EPHB2: variants seen among roughly 807,000 people sequenced by gnomAD.
EPHB2 encodes ephrin type-B receptor 2.
In EPHB2, 18 loss-of-function variants were observed where a neutral mutation model predicts 96.4. The observed-to-expected ratio is 0.19, with a 90% CI of 0.13 to 0.28. The LOEUF is 0.28. EPHB2 is among the 10% of genes least tolerant of loss of function. The pLI is 1.00. For synonymous variants in EPHB2, 506 were observed against 534.1 expected (o/e 0.95, Z 0.72); for missense variants, 989 against 1,355.4 (o/e 0.73, Z 4.25).
intron 3 of EPHB2, among the ~76,000 whole-genome samples, chr1:22,821,161 A>C (rs1570339198): frequency 6.6e-6 from 1 of 152,186 alleles, no homozygotes; most frequent in South Asian, 2.1e-4. Flanking sequence ...GGAAGCGGTA[A>C]AGATAGACAC....
intron 1 of EPHB2, among the ~76,000 whole-genome samples, chr1:22,728,712 C>T (rs553914773): frequency 1.3e-5 from 2 of 152,300 alleles, no homozygotes; most frequent in East Asian, 1.9e-4. Flanking sequence ...TTCCCATGGC[C>T]GACAACTCTA....
intron 1 of EPHB2, among the ~76,000 whole-genome samples, chr1:22,777,447 A>G (rs1416925429): frequency 6.6e-6 from 1 of 152,116 alleles, no homozygotes; most frequent in Non-Finnish European, 1.5e-5. Context: ...GATTTTTGGG[A>G]TTGGACGGGA....
rs1344546517 is a variant in EPHB2 at position 22,920,267 on chromosome 1, G to C, written c.*6697G>C. 1 of 152,274 alleles carries C rather than the reference G, an allele frequency of 6.6e-6. No homozygotes were observed. The highest frequency in any genetic ancestry group is 1.5e-5 in the Non-Finnish European group (1 of 68,096). 9.4% of individuals were successfully genotyped at this position (152,274 alleles called of 1,614,324 possible). ...GCTGGTGGACCTAGGAACCAAGCAG[G>C]GCCCCACTGGCTCAGTCTGGGGAGG... On this transcript the variant is annotated 3_prime_UTR_variant, in exon 16 of 16. Transcript: ENST00000374630.
rs543982427 is a variant in EPHB2, at chr1:22,915,003, A to C, written c.*1433A>C. The C allele has an allele frequency of 6.5e-6, 1 of 152,738 alleles. No homozygotes were observed. 9.5% of individuals were successfully genotyped at this position (152,738 alleles called of 1,614,324 possible). On this transcript the variant is annotated 3_prime_UTR_variant, in exon 16 of 16. Transcript: ENST00000374630. The stretch of plus-strand genomic sequence containing the variant: ...GGCTCCTGAGTGCCCTCAGATGGTC[A>C]AAACCCAGTTTTCCCTCTGGGAGCC...
intron 3 of EPHB2, among the ~76,000 whole-genome samples, chr1:22,853,422 CTG>C (rs1205382688): frequency 6.6e-6 from 1 of 152,258 alleles, no homozygotes; most frequent in East Asian, 1.9e-4. Context: ...ATCACTGTCA[CTG>C]TGCTCACAGC....
chr1:22,756,499 G>C (rs1200628035), intron 1 of EPHB2, among the ~76,000 whole-genome samples: 1 of 152,174 alleles, frequency 6.6e-6, no homozygotes, highest in Non-Finnish European at 1.5e-5. Context: ...CCCGTGGGCG[G>C]CTTTATCTGG....
intron 3 of EPHB2, among the ~76,000 whole-genome samples, chr1:22,792,007 T>C (rs1013217400): frequency 6.6e-6 from 1 of 152,120 alleles, no homozygotes; most frequent in Non-Finnish European, 1.5e-5. Flanking sequence ...CTCTCCAGCA[T>C]GGGATGTTAT....
chr1:22,823,225 G>A (rs1387650694), intron 3 of EPHB2, among the ~76,000 whole-genome samples: 1 of 152,206 alleles, frequency 6.6e-6, no homozygotes, highest in Admixed American at 6.5e-5. Flanking sequence ...GAAACACAAC[G>A]TGCAAATGGC....
intron 1 of EPHB2, among the ~76,000 whole-genome samples, chr1:22,749,770 T>C (rs932954416): frequency 3.3e-5 from 5 of 152,104 alleles, no homozygotes; most frequent in African/African-American, 7.2e-5. Flanking sequence ...TGGACCTCCA[T>C]TGGGTTCCAG....
At chr1:22,823,015 T>C (rs1046776893) in intron 3 of EPHB2, among the ~76,000 whole-genome samples, 1 of 152,138 alleles carries the variant, frequency 6.6e-6, no homozygotes, top group Non-Finnish European at 1.5e-5. Flanking sequence ...ACATATACCC[T>C]ATCCATTCCC....
At chr1:22,841,408 C>T (rs185029026) in intron 3 of EPHB2, among the ~76,000 whole-genome samples, 129 of 152,198 alleles carry the variant, frequency 8.5e-4, no homozygotes, top group Non-Finnish European at 1.0e-3. Context: ...GTCTGGACTG[C>T]AGGGAGGGCT....
chr1:22,807,800 G>A (rs1430879333), intron 3 of EPHB2, among the ~76,000 whole-genome samples: 2 of 152,196 alleles, frequency 1.3e-5, no homozygotes, highest in East Asian at 1.9e-4. Context: ...GAGGACAGTG[G>A]GGCAAAAGTA....
intron 3 of EPHB2, among the ~76,000 whole-genome samples, chr1:22,822,057 G>A (rs1000923419): frequency 6.6e-6 from 1 of 152,222 alleles, no homozygotes; most frequent in Non-Finnish European, 1.5e-5. Flanking sequence ...CAATTACAGT[G>A]CTACAATAAA....
chr1:22,775,356 T>C, intron 1 of EPHB2: 2 of 730,220 alleles, frequency 2.7e-6, no homozygotes, highest in East Asian at 2.6e-5. Flanking sequence ...TGGCCAGCGC[T>C]TGGCATGTAT....
intron 3 of EPHB2, among the ~76,000 whole-genome samples, chr1:22,836,314 C>T (rs977459935): frequency 6.6e-6 from 1 of 152,216 alleles, no homozygotes; most frequent in South Asian, 2.1e-4. Flanking sequence ...CTCGGAGGCA[C>T]AAAGATGAAC....
intron 1 of EPHB2, among the ~76,000 whole-genome samples, chr1:22,777,832 C>T (rs1365330479): frequency 6.6e-6 from 1 of 152,184 alleles, no homozygotes; most frequent in Non-Finnish European, 1.5e-5. Flanking sequence ...TATGTGCAGG[C>T]ACTGGGTGGG....
intron 3 of EPHB2, 48 bp from the exon 4 acceptor site, chr1:22,862,989 T>C (rs1638320779): frequency 6.2e-7 from 1 of 1,612,086 alleles, no homozygotes. Context: ...GTGACCTCTC[T>C]GAGTCTTCAT....
chr1:22,710,856 G>C lies in EPHB2; in HGVS notation c.-127G>C, dbSNP rs1420923241. The C allele has an allele frequency of 6.8e-6, 1 of 146,126 alleles. No individual in the cohort carries two copies. The highest frequency in any genetic ancestry group is 2.0e-4 in the East Asian group (1 of 5,022). The allele number at this position is 146,126 out of a possible 1,614,324, so 9.1% of individuals were successfully genotyped here. ...GATGGCTCATTCTGCTGGCTGCGCGGTGGCGGCGGCTGTGTGTGCGCCGCG... is the reference window on the plus strand; with the variant it reads ...GATGGCTCATTCTGCTGGCTGCGCGCTGGCGGCGGCTGTGTGTGCGCCGCG... On this transcript the variant is annotated 5_prime_UTR_variant, in exon 1 of 16. Transcript: ENST00000374630.
intron 3 of EPHB2, among the ~76,000 whole-genome samples, chr1:22,850,266 G>A (rs17488885): frequency 0.27 from 40,836 of 152,168 alleles, 6,485 homozygotes; most frequent in Middle Eastern, 0.42. Context: ...ACAGAATGAT[G>A]TAGGGATTTA....
Sources: allele counts gnomAD v4.1 joint callset (sites outside exome capture counted in the v4.1 genomes callset), GRCh38; gene constraint gnomAD v4.1.1; transcripts MANE v1.5; gene names NCBI Gene and HGNC (gene_info 2026-07-23, HGNC 2026-07-21).